Variants in FERRY3 observed in about 807,000 individuals in gnomAD.
FERRY3 encodes the protein FERRY endosomal RAB5 effector complex subunit 3, also known as protein C12orf4.
At chr12:4,538,232 G>A in the FERRY3 span, among the ~76,000 whole-genome samples, 5 of 152,224 alleles carry the variant, frequency 3.3e-5, no homozygotes, top group African/African-American at 1.2e-4. Flanking sequence ...AAGAAAATGG[G>A]ATGGAAGGTC....
chr12:4,509,721 G>A, the FERRY3 span, among the ~76,000 whole-genome samples: 1 of 142,256 alleles, frequency 7.0e-6, no homozygotes, highest in African/African-American at 2.8e-5. Context: ...CAAACAGAAA[G>A]GACATCCACA....
the FERRY3 span, among the ~76,000 whole-genome samples, chr12:4,523,815 T>TG: frequency 6.6e-6 from 1 of 151,826 alleles, no homozygotes; most frequent in Admixed American, 6.6e-5. Context: ...GTCGTGGGGT[T>TG]GGGGGAGGGG....
chr12:4,495,264 A>G, the FERRY3 span, among the ~76,000 whole-genome samples: 1 of 152,236 alleles, frequency 6.6e-6, no homozygotes, highest in African/African-American at 2.4e-5. Context: ...ATACTATTGT[A>G]TAACTATTTG....
At chr12:4,537,278 G>T in the FERRY3 span, among the ~76,000 whole-genome samples, 3 of 152,120 alleles carry the variant, frequency 2.0e-5, no homozygotes, top group African/African-American at 4.8e-5. Flanking sequence ...AAGCCTCTAG[G>T]AAGACTTATC....
At chr12:4,534,000 G>C in the FERRY3 span, 2 of 715,654 alleles carry the variant, frequency 2.8e-6, no homozygotes, top group South Asian at 2.9e-5. Flanking sequence ...TGCTCACCCT[G>C]ATATAGGAAG....
the FERRY3 span, among the ~76,000 whole-genome samples, chr12:4,531,200 T>G: frequency 1.3e-5 from 2 of 152,214 alleles, no homozygotes; most frequent in Admixed American, 1.3e-4. Context: ...GAACTACGAT[T>G]TCATCTACTC....
the FERRY3 span, among the ~76,000 whole-genome samples, chr12:4,535,725 T>C: frequency 6.6e-6 from 1 of 152,360 alleles, no homozygotes; most frequent in East Asian, 1.9e-4. This position sits in a 1 kb window ranked among gnomAD's most constrained non-coding sequence, Gnocchi z 4.0. Flanking sequence ...ATAGCTAAAC[T>C]GCCTTATAAC....
the FERRY3 span, among the ~76,000 whole-genome samples, chr12:4,512,664 GA>G: frequency 1.3e-5 from 2 of 148,298 alleles, no homozygotes; most frequent in African/African-American, 5.0e-5. Context: ...AATAGATGCA[GA>G]AAAAGCCTTT....
chr12:4,522,495 G>C, the FERRY3 span, among the ~76,000 whole-genome samples: 1 of 152,182 alleles, frequency 6.6e-6, no homozygotes, highest in Non-Finnish European at 1.5e-5. Context: ...AAACTTACTA[G>C]AATGTCTAAA....
chr12:4,492,531 T>C, the FERRY3 span, among the ~76,000 whole-genome samples: 1 of 152,240 alleles, frequency 6.6e-6, no homozygotes, highest in Non-Finnish European at 1.5e-5. Context: ...AAACCTTTTC[T>C]CAGTCTTATT....
At chr12:4,511,119 A>G in the FERRY3 span, among the ~76,000 whole-genome samples, 2 of 150,190 alleles carry the variant, frequency 1.3e-5, no homozygotes, top group African/African-American at 2.5e-5. Context: ...ACTTTAAACC[A>G]ACAAAGATCA....
the FERRY3 span, among the ~76,000 whole-genome samples, chr12:4,496,075 AACAC>A: frequency 1.3e-5 from 2 of 152,022 alleles, no homozygotes; most frequent in African/African-American, 2.4e-5. Context: ...CACGCACACA[AACAC>A]ACACACACAT....
chr12:4,520,962 G>A, the FERRY3 span, among the ~76,000 whole-genome samples: 1 of 152,082 alleles, frequency 6.6e-6, no homozygotes, highest in Admixed American at 6.5e-5. Context: ...CTGATAAGAT[G>A]TACACAACCT....
chr12:4,490,434 G>A, the FERRY3 span: 18 of 1,022,524 alleles, frequency 1.8e-5, no homozygotes, highest in Non-Finnish European at 2.5e-5. Flanking sequence ...TGTTGTTTTT[G>A]GGATTTTAGG....
the FERRY3 span, among the ~76,000 whole-genome samples, chr12:4,537,568 C>T: frequency 3.9e-5 from 6 of 152,094 alleles, no homozygotes; most frequent in Non-Finnish European, 5.9e-5. Context: ...AAAGATATCA[C>T]CTGAAATATA....
chr12:4,518,675 T>A, the FERRY3 span: 1 of 769,724 alleles, frequency 1.3e-6, no homozygotes, highest in South Asian at 2.2e-5. Flanking sequence ...CTGGGCAACA[T>A]AGCGAAACCT....
At chr12:4,497,668 G>C in the FERRY3 span, among the ~76,000 whole-genome samples, 5 of 152,198 alleles carry the variant, frequency 3.3e-5, no homozygotes, top group African/African-American at 1.2e-4. Context: ...CCATAAGACT[G>C]ACTCCAATAA....
At chr12:4,528,437 AAT>A in the FERRY3 span, among the ~76,000 whole-genome samples, 1 of 152,154 alleles carries the variant, frequency 6.6e-6, no homozygotes, top group East Asian at 1.9e-4. Context: ...TCCCCAGGGA[AAT>A]ATGTTTCAAC....
chr12:4,491,303 TTATC>T, the FERRY3 span: 7 of 1,373,690 alleles, frequency 5.1e-6, no homozygotes, highest in Non-Finnish European at 7.2e-6. Context: ...AGTCAGATCT[TTATC>T]TATAGTGTTG....
Sources: allele counts gnomAD v4.1 joint callset (sites outside exome capture counted in the v4.1 genomes callset), GRCh38; gene constraint gnomAD v4.1.1; non-coding constraint Gnocchi (gnomAD v3.1); transcripts MANE v1.5; gene names NCBI Gene and HGNC (gene_info 2026-07-23, HGNC 2026-07-21).